Variants in ST6GAL1 observed in about 807,000 individuals in gnomAD.
ST6GAL1 encodes ST6 beta-galactoside alpha-2,6-sialyltransferase 1.
In ST6GAL1, 20 loss-of-function variants were observed where a neutral mutation model predicts 38.0. The observed-to-expected ratio is 0.53, with a 90% CI of 0.37 to 0.77. The LOEUF (loss-of-function observed/expected upper bound fraction) is 0.77. ST6GAL1 is among the 30% of genes least tolerant of loss of function. ST6GAL1 has a pLI of 0.00. For missense variants in ST6GAL1, 432 were observed against 496.4 expected, an observed-to-expected ratio of 0.87 and a Z score of 1.23; for synonymous variants, 196 against 188.2, an observed-to-expected ratio of 1.04 and a Z score of -0.34.
rs199521665 is a variant in ST6GAL1, at chr3:187,020,968, T to TG, written c.-182-17774_-182-17773insG. 6.0e-3 allele frequency among the ~76,000 whole-genome samples: 904 copies of TG among 151,432 alleles called. 37 individuals are homozygous for TG. In the East Asian group the frequency reaches 0.091, roughly 15 times the overall value. ...AGGATATATGTATTGGTGGTTTTTTTTTTTGTTTTTTTTTGAGATGGAGTC... is the reference window on the plus strand; with the variant it reads ...AGGATATATGTATTGGTGGTTTTTTTGTTTTGTTTTTTTTTGAGATGGAGTC... On this transcript the variant is annotated intron_variant, in intron 2 of 7. Transcript: ENST00000169298.
chr3:187,000,843 T>C (rs1285242671), intron 2 of ST6GAL1, among the ~76,000 whole-genome samples: 4 of 152,244 alleles, frequency 2.6e-5, no homozygotes, highest in Admixed American at 2.6e-4. Context: ...GAGTGATACA[T>C]GAGCACAACT....
intron 5 of ST6GAL1, among the ~76,000 whole-genome samples, chr3:187,062,534 G>T (rs1368930473): frequency 6.8e-6 from 1 of 147,760 alleles, no homozygotes; most frequent in East Asian, 2.0e-4. Context: ...CTACAACATG[G>T]ATGAACCCTG....
At chr3:187,007,422 T>A (rs1716819745) in intron 2 of ST6GAL1, among the ~76,000 whole-genome samples, 1 of 152,174 alleles carries the variant, frequency 6.6e-6, no homozygotes, top group Admixed American at 6.5e-5. Flanking sequence ...AGACAAACTC[T>A]TGAATGGAGC....
intron 2 of ST6GAL1, among the ~76,000 whole-genome samples, chr3:187,013,136 C>T (rs1717010477): frequency 6.6e-6 from 1 of 152,214 alleles, no homozygotes; most frequent in African/African-American, 2.4e-5. Flanking sequence ...GTTTCTTGAA[C>T]ACTGTTTCTT....
chr3:186,987,248 A>AAAGG (rs1454999002), intron 2 of ST6GAL1, among the ~76,000 whole-genome samples: 52 of 150,736 alleles, frequency 3.4e-4, no homozygotes, highest in African/African-American at 1.2e-3. Flanking sequence ...GAAAGGAAAG[A>AAAGG]AAGGAAGAAA....
rs1719563655 is a variant in ST6GAL1 at position 187,076,432 on chromosome 3, C to T, written c.*629C>T. On this transcript the variant is annotated 3_prime_UTR_variant, in exon 8 of 8. Coordinates refer to ENST00000169298, the MANE Select transcript of ST6GAL1 (RefSeq NM_173216.2). ...GGGTCTTGGTTAGCCCACTTTCCCT[C>T]TCCATGTGGAGATGGAAGGTAGAGA... The T allele has an allele frequency of 6.1e-6, 1 of 164,066 alleles. No individual in the cohort carries two copies. Among genetic ancestry groups the T allele is most frequent in the Admixed American group, 6.4e-5 (1 of 15,642 alleles). 10.2% of individuals were successfully genotyped at this position (164,066 alleles called of 1,614,324 possible).
intron 4 of ST6GAL1, among the ~76,000 whole-genome samples, chr3:187,045,954 AAGGTAGCT>A (rs1718280730): frequency 6.6e-6 from 1 of 152,180 alleles, no homozygotes; most frequent in Non-Finnish European, 1.5e-5. Context: ...CGAGGCCAGA[AAGGTAGCT>A]AGGCATTAGC....
At chr3:187,020,572 C>T (rs993260414) in intron 2 of ST6GAL1, among the ~76,000 whole-genome samples, 1 of 152,212 alleles carries the variant, frequency 6.6e-6, no homozygotes, top group Non-Finnish European at 1.5e-5. Context: ...ACCCCTACAC[C>T]TGTGTAAGGC....
At chr3:187,054,754 A>C (rs1486877354) in intron 5 of ST6GAL1, among the ~76,000 whole-genome samples, 2 of 152,142 alleles carry the variant, frequency 1.3e-5, no homozygotes, top group African/African-American at 4.8e-5. Flanking sequence ...TTGGCCTAAA[A>C]TTCTCTTTTT....
chr3:187,042,511 G>C (rs1290985531), intron 3 of ST6GAL1, 143 bp from the exon 4 acceptor site: 6 of 744,694 alleles, frequency 8.1e-6, no homozygotes, highest in East Asian at 2.7e-5. Context: ...TGCTTAACAG[G>C]CTGCAGAGGT....
At chr3:187,042,117 A>G (rs1241521887) in intron 3 of ST6GAL1, among the ~76,000 whole-genome samples, 1 of 152,132 alleles carries the variant, frequency 6.6e-6, no homozygotes, top group Non-Finnish European at 1.5e-5. Context: ...CTATAACGAG[A>G]AGTCTTTTTC....
intron 2 of ST6GAL1, among the ~76,000 whole-genome samples, chr3:186,998,828 T>C (rs1234152306): frequency 1.3e-5 from 2 of 152,264 alleles, no homozygotes. Flanking sequence ...GGCTAGTGGC[T>C]GTTGCATTGT....
intron 2 of ST6GAL1, among the ~76,000 whole-genome samples, chr3:187,031,142 T>TGATCATCTC (rs953087368): frequency 3.3e-5 from 5 of 152,194 alleles, no homozygotes; most frequent in Admixed American, 2.0e-4. Context: ...GGAGTTATGC[T>TGATCATCTC]GATCATCTCT....
Position 187,005,699 on chromosome 3 carries a change from T to C in ST6GAL1, c.-182-33043T>C, listed in dbSNP as rs1467942287. ...GTTTATTCTCTTTTTAAAAACCTGG[T>C]CCTTGTGCCCAAATTGCTTTTGAGA... On this transcript the variant is annotated intron_variant, in intron 2 of 7. Coordinates refer to ENST00000169298, the MANE Select transcript of ST6GAL1 (RefSeq NM_173216.2). Among the ~76,000 whole-genome samples, 6 of 152,224 alleles carry C rather than the reference T, an allele frequency of 3.9e-5. No homozygotes were observed. In the East Asian group the frequency reaches 1.2e-3, roughly 29 times the overall value.
chr3:186,958,797 T>G (rs770712407), intron 1 of ST6GAL1, among the ~76,000 whole-genome samples: 2 of 151,428 alleles, frequency 1.3e-5, no homozygotes. Flanking sequence ...ACCAAAAATA[T>G]CAAAAATTAG....
intron 1 of ST6GAL1, among the ~76,000 whole-genome samples, chr3:186,942,748 C>T (rs560226253): frequency 3.3e-5 from 5 of 152,188 alleles, no homozygotes; most frequent in Non-Finnish European, 7.3e-5. Flanking sequence ...CTCATCCAAT[C>T]ATCACAGGAA....
At chr3:186,969,335 G>A (rs1296888361) in intron 2 of ST6GAL1, among the ~76,000 whole-genome samples, 1 of 152,178 alleles carries the variant, frequency 6.6e-6, no homozygotes, top group Non-Finnish European at 1.5e-5. Context: ...TTACAGGCGT[G>A]AGCCACAGCG....
chr3:187,056,912 C>T (rs1245011910), intron 5 of ST6GAL1, among the ~76,000 whole-genome samples: 1 of 152,176 alleles, frequency 6.6e-6, no homozygotes, highest in Admixed American at 6.5e-5. Context: ...AACTTGGATC[C>T]ATTTTCCCTG....
chr3:187,011,224 A>T (rs4686833), intron 2 of ST6GAL1, among the ~76,000 whole-genome samples: 6 of 151,530 alleles, frequency 4.0e-5, no homozygotes, highest in African/African-American at 7.3e-5. Flanking sequence ...GTCTCGAACT[A>T]CTGACCTCAA....
Sources: gnomAD v4.1 joint callset for allele counts (sites outside exome capture counted in the v4.1 genomes callset) on GRCh38, gnomAD v4.1.1 for gene constraint, MANE v1.5 for transcripts, NCBI Gene and HGNC (gene_info 2026-07-23, HGNC 2026-07-21) for gene names.